Variants in DMRTA1 observed in about 807,000 individuals in gnomAD.
DMRTA1 encodes the protein doublesex- and mab-3-related transcription factor A1.
In DMRTA1, 34 loss-of-function variants were observed where a neutral mutation model predicts 35.2. That is an observed-to-expected ratio of 0.97 (90% CI 0.74 to 1.29). The LOEUF (loss-of-function observed/expected upper bound fraction) is 1.29. DMRTA1 is among the 50% of genes most tolerant of loss of function. The pLI is 0.00. For missense variants in DMRTA1, 824 were observed against 644.6 expected (o/e 1.28, Z -3.01); for synonymous variants, 344 against 276.6 (o/e 1.24, Z -2.42).
rs751726182 is a variant in DMRTA1, at chr9:22,451,059, T to C, written c.668-5T>C. On this transcript the variant is annotated splice_region_variant and splice_polypyrimidine_tract_variant and intron_variant, in intron 1 of 1. Transcript: ENST00000325870. ...ATTTGATTTTTTTTTCCCCCTCTTC[T>C]CCAGAACAAAAAGAGAGTAAATGTG... is the stretch of plus-strand genomic sequence containing the variant. The C allele has an allele frequency of 2.1e-5, 34 of 1,604,760 alleles. No homozygotes were observed. Among genetic ancestry groups the C allele is most frequent in the Non-Finnish European group, 2.4e-5 (28 of 1,175,868 alleles).
rs757181073 is a variant in DMRTA1, at chr9:22,454,325, G to T, written c.*2414G>T. ...ATGGCCTTGAACAGTGTCTGATATA[G>T]GTTCTCAACCTATACACTAGATTTC... is the stretch of plus-strand genomic sequence containing the variant. On this transcript the variant is annotated 3_prime_UTR_variant, in exon 2 of 2. Coordinates refer to ENST00000325870, the MANE Select transcript of DMRTA1 (RefSeq NM_022160.3). 4 of 151,634 alleles carry T rather than the reference G, an allele frequency of 2.6e-5. No homozygotes were observed. The highest frequency in any genetic ancestry group is 4.4e-5 in the Non-Finnish European group (3 of 67,896). 9.4% of individuals were successfully genotyped at this position (151,634 alleles called of 1,614,324 possible).
At chr9:22,449,910 T>C (rs510901) in intron 1 of DMRTA1, among the ~76,000 whole-genome samples, 96,345 of 151,934 alleles carry the variant, frequency 0.63, 31,282 homozygotes, top group African/African-American at 0.76. Context: ...CAAATCACTG[T>C]CTTAGGCAAT....
Position 22,447,551 on chromosome 9 carries a change from G to T in DMRTA1, c.486G>T (p.Ser162=). The T allele has an allele frequency of 1.3e-6, 2 of 1,590,900 alleles. No homozygotes were observed. Among genetic ancestry groups the T allele is most frequent in the East Asian group, 2.3e-5 (1 of 43,628 alleles). Residue 162 remains serine (S), a synonymous_variant, in exon 1 of 2, where the codon TCG becomes TCT. Coordinates refer to ENST00000325870, the MANE Select transcript of DMRTA1 (RefSeq NM_022160.3). ...GGGGGCTACAGAGGCTCCTGTGCTC[G>T]GGGCTCTCCTGGCCCCCCGGTGGTC... The part of the protein sequence containing the change: ...EARGLQRLLC[S]GLSWPPGGRA...
In DMRTA1 at chr9:22,454,398, C is replaced by T. The variant is rs1359551451; in HGVS notation, c.*2487C>T. ...GCAAGTATTAGCTTAATAATTTCTT[C>T]ATTCAACACCTATTTAATATTTTTA... On this transcript the variant is annotated 3_prime_UTR_variant, in exon 2 of 2. Transcript: ENST00000325870. 1 of 152,068 alleles carries T rather than the reference C, an allele frequency of 6.6e-6. No homozygotes were observed. Among genetic ancestry groups the T allele is most frequent in the Non-Finnish European group, 1.5e-5 (1 of 67,970 alleles). The allele number at this position is 152,068 out of a possible 1,614,324, so 9.4% of individuals were successfully genotyped here.
intron 1 of DMRTA1, among the ~76,000 whole-genome samples, chr9:22,450,725 C>T (rs4977782): frequency 0.13 from 19,499 of 152,052 alleles, 1,381 homozygotes; most frequent in Admixed American, 0.19. Context: ...TCCCACACAA[C>T]CAAGATAGAA....
In DMRTA1 at chr9:22,451,503, C is replaced by G. The variant is rs757500819; in HGVS notation, c.1107C>G (p.His369Gln). The change falls in exon 2 of 2, where the codon CAC (histidine) becomes CAG (glutamine). Residue 369 changes from histidine to glutamine, a missense_variant. Transcript: ENST00000325870. Reference protein sequence around the residue: ...AIEQVLNGKEHKPDNRNLANS... With the variant: ...AIEQVLNGKEQKPDNRNLANS... ...AACAGGTTTTAAATGGCAAAGAACA[C>G]AAGCCAGACAACAGGAACCTAGCAA... The G allele has an allele frequency of 2.5e-6, 4 of 1,614,156 alleles. No individual in the cohort carries two copies. The highest frequency in any genetic ancestry group is 2.5e-6 in the Non-Finnish European group (3 of 1,179,984).
At chr9:22,450,981 A>G in intron 1 of DMRTA1, 83 bp from the exon 2 acceptor site, 2 of 1,357,570 alleles carry the variant, frequency 1.5e-6, no homozygotes, top group East Asian at 2.3e-5. Flanking sequence ...TAATTATATT[A>G]TCCAGCATTA....
rs1818946577 is a variant in DMRTA1 at position 22,452,543 on chromosome 9, A to G, written c.*632A>G. The G allele has an allele frequency of 6.6e-6, 1 of 152,212 alleles. No individual in the cohort carries two copies. Among genetic ancestry groups the G allele is most frequent in the East Asian group, 1.9e-4 (1 of 5,194 alleles). The allele number at this position is 152,212 out of a possible 1,614,324, so 9.4% of individuals were successfully genotyped here. A position where few individuals can be genotyped will look rare whatever the true frequency, so the allele number is the denominator to read the frequency against. ...TGAGTGAAAACAAGTGCCATTAAAA[A>G]ACATTTCTCTTTAAAGTTGACACTG... On this transcript the variant is annotated 3_prime_UTR_variant, in exon 2 of 2. Transcript: ENST00000325870.
intron 1 of DMRTA1, among the ~76,000 whole-genome samples, chr9:22,447,941 C>G (rs1476586275): frequency 6.6e-6 from 1 of 152,122 alleles, no homozygotes; most frequent in Non-Finnish European, 1.5e-5. Flanking sequence ...GTTGTTCCCT[C>G]AGGTGATAGG....
rs1326332069 is a variant in DMRTA1 at position 22,453,155 on chromosome 9, GTTA to G, written c.*1251_*1253del. On this transcript the variant is annotated 3_prime_UTR_variant, in exon 2 of 2. Coordinates refer to ENST00000325870, the MANE Select transcript of DMRTA1 (RefSeq NM_022160.3). ...TTTTTTGAAGGACAGTAGCTTCATT[GTTA>G]TTATTAGGAATAAATGGAAGCCCAC... The G allele has an allele frequency of 6.6e-6, 1 of 152,020 alleles. No individual in the cohort carries two copies. Among genetic ancestry groups the G allele is most frequent in the Admixed American group, 6.6e-5 (1 of 15,258 alleles). The allele number at this position is 152,020 out of a possible 1,614,324, so 9.4% of individuals were successfully genotyped here.
In DMRTA1 at chr9:22,454,601, T is replaced by A. The variant is rs1274477725; in HGVS notation, c.*2690T>A. On this transcript the variant is annotated 3_prime_UTR_variant, in exon 2 of 2. Transcript: ENST00000325870. Reference sequence around the variant, plus strand: ...CAATGAGTTCTTTGTAATCTTGATATTTATATCCATGGATGCTGCTTGAAG... The same window carrying A: ...CAATGAGTTCTTTGTAATCTTGATAATTATATCCATGGATGCTGCTTGAAG... 2 of 152,144 alleles carry A rather than the reference T, an allele frequency of 1.3e-5. No homozygotes were observed. Among genetic ancestry groups the A allele is most frequent in the Non-Finnish European group, 2.9e-5 (2 of 68,012 alleles). 9.4% of individuals were successfully genotyped at this position (152,144 alleles called of 1,614,324 possible).
chr9:22,448,910 A>G (rs1420746194), intron 1 of DMRTA1, among the ~76,000 whole-genome samples: 3 of 152,200 alleles, frequency 2.0e-5, no homozygotes, highest in Admixed American at 2.0e-4. Flanking sequence ...CCCATGAAAG[A>G]TGAAGGTGCT....
Position 22,447,038 on chromosome 9 carries a change from G to C in DMRTA1, c.-28G>C. The stretch of plus-strand genomic sequence containing the variant: ...GCTGCGGTCAGCGCACTTTCCACTT[G>C]GGACTCCCGGCCAGAAATTTCTCGG... On this transcript the variant is annotated 5_prime_UTR_variant, in exon 1 of 2. Transcript: ENST00000325870. 6.3e-7 allele frequency: 1 copy of C among 1,597,456 alleles called. No individual in the cohort carries two copies. The highest frequency in any genetic ancestry group is 8.5e-7 in the Non-Finnish European group (1 of 1,172,944).
rs1818981731 is a variant in DMRTA1, at chr9:22,454,895, A to G, written c.*2984A>G. 6.6e-6 allele frequency: 1 copy of G among 152,136 alleles called. No individual in the cohort carries two copies. Among genetic ancestry groups the G allele is most frequent in the South Asian group, 2.1e-4 (1 of 4,832 alleles). 9.4% of individuals were successfully genotyped at this position (152,136 alleles called of 1,614,324 possible). A position where few individuals can be genotyped will look rare whatever the true frequency, so the allele number is the denominator to read the frequency against. ...GAAAATACCAATCAGAGCCTGATTGATGGGATTTTTAATTACTGCTTTAAT... is the reference window on the plus strand; with the variant it reads ...GAAAATACCAATCAGAGCCTGATTGGTGGGATTTTTAATTACTGCTTTAAT... On this transcript the variant is annotated 3_prime_UTR_variant, in exon 2 of 2. Coordinates refer to ENST00000325870, the MANE Select transcript of DMRTA1 (RefSeq NM_022160.3).
chr9:22,451,244 G>T lies in DMRTA1; in HGVS notation c.848G>T (p.Gly283Val), dbSNP rs1001508505. Residue 283 changes from glycine to valine, a missense_variant, in exon 2 of 2, where the codon GGA (glycine) becomes GTA (valine). Physicochemically the swap from Gly to Val is moderately radical, Grantham distance 109. Transcript: ENST00000325870. ...KPDSILSPHP[G>V]EQSGGEESPR... ...GATAGTATCCTGTCTCCTCATCCTG[G>T]AGAGCAATCAGGAGGTGAAGAGAGT... 4 of 1,614,080 alleles carry T rather than the reference G, an allele frequency of 2.5e-6. No homozygotes were observed. The highest frequency in any genetic ancestry group is 2.5e-6 in the Non-Finnish European group (3 of 1,179,938).
Position 22,447,073 on chromosome 9 carries a change from G to A in DMRTA1, c.8G>A (p.Arg3Gln). 1.2e-6 allele frequency: 2 copies of A among 1,608,582 alleles called. No individual in the cohort carries two copies. The highest frequency in any genetic ancestry group is 1.3e-5 in the African/African-American group (1 of 74,600). The change falls in exon 1 of 2, where the codon CGG becomes CAG. Residue 3 changes from arginine to glutamine, a missense_variant. Transcript: ENST00000325870. The stretch of plus-strand genomic sequence containing the variant: ...GCCAGAAATTTCTCGGGAATGGAGC[G>A]GTCACAGTGTGGCAGCAGAGACCGA... ME[R>Q]SQCGSRDRGV...
Position 22,447,651 on chromosome 9 carries a change from C to A in DMRTA1, c.586C>A (p.Leu196Met), listed in dbSNP as rs755594201. ...CCCTGCGGCGGGGGCTGCGCTGGGA[C>A]TGGGTGCCTTGAGACAGGCCAGTGG... ...GGPAAGAALG[L>M]GALRQASGSA... is the part of the protein sequence containing the mutation. The change falls in exon 1 of 2, where the codon CTG becomes ATG. Residue 196 changes from leucine (L) to methionine (M), a missense_variant. Transcript: ENST00000325870. 5.2e-5 allele frequency: 83 copies of A among 1,611,084 alleles called. No homozygotes were observed. The highest frequency in any genetic ancestry group is 1.8e-4 in the Admixed American group (11 of 59,932).
In DMRTA1 at chr9:22,451,742, C is replaced by G. The variant is rs1025177742; in HGVS notation, c.1346C>G (p.Ser449Cys). 1.2e-6 allele frequency: 2 copies of G among 1,614,076 alleles called. No homozygotes were observed. The highest frequency in any genetic ancestry group is 1.3e-5 in the African/African-American group (1 of 75,042). Residue 449 changes from serine to cysteine, a missense_variant, in exon 2 of 2, where the codon TCT becomes TGT. Transcript: ENST00000325870. ...LAYSSAGRGL[S>C]GFMSPYLTPG... The stretch of plus-strand genomic sequence containing the variant: ...TATTCTTCTGCAGGAAGAGGGTTAT[C>G]TGGTTTTATGTCACCCTACCTAACA...
intron 1 of DMRTA1, among the ~76,000 whole-genome samples, chr9:22,448,043 C>T (rs529061117): frequency 2.0e-5 from 3 of 152,170 alleles, no homozygotes; most frequent in Non-Finnish European, 4.4e-5. Flanking sequence ...ATTTGACTTT[C>T]ACTGTGTGAG....
Sources: allele counts gnomAD v4.1 joint callset (sites outside exome capture counted in the v4.1 genomes callset), GRCh38; gene constraint gnomAD v4.1.1; transcripts MANE v1.5; gene names NCBI Gene and HGNC (gene_info 2026-07-23, HGNC 2026-07-21).